The following SRD5A3 variants were observed in gnomAD, a reference collection of about 807,000 sequenced individuals.
The protein encoded by SRD5A3 is polyprenal reductase.
In SRD5A3, 24 loss-of-function variants were observed where a neutral mutation model predicts 34.3. The observed-to-expected ratio is 0.70, with a 90% CI of 0.51 to 0.99. The LOEUF is 0.99. SRD5A3 is among the 50% of genes least tolerant of loss of function. The probability of loss-of-function intolerance (pLI) is 0.00; values close to 1 mark genes in which losing one functional copy is unlikely to be tolerated. For missense variants in SRD5A3, 350 were observed against 388.2 expected (o/e 0.90, Z 0.83); for synonymous variants, 161 against 167.3 (o/e 0.96, Z 0.29).
chr4:55,367,500 A>G, intron 3 of SRD5A3, 88 bp from the exon 4 acceptor site: 5 of 1,477,168 alleles, frequency 3.4e-6, no homozygotes, highest in Non-Finnish European at 4.7e-6. Context: ...ATAAGTGGAT[A>G]ATTGTGTTTC....
intron 2 of SRD5A3, among the ~76,000 whole-genome samples, chr4:55,359,872 T>C (rs924206255): frequency 2.0e-5 from 3 of 152,262 alleles, no homozygotes; most frequent in African/African-American, 7.2e-5. Flanking sequence ...TCATTTATAC[T>C]GTTCCAACCA....
intron 1 of SRD5A3, chr4:55,351,716 T>A: frequency 2.5e-6 from 1 of 402,498 alleles, no homozygotes; most frequent in South Asian, 2.0e-5. Context: ...AGCAAATAGG[T>A]CAACAGAATA....
intron 1 of SRD5A3, among the ~76,000 whole-genome samples, chr4:55,357,617 C>G (rs771015241): frequency 2.6e-5 from 4 of 152,238 alleles, no homozygotes; most frequent in Non-Finnish European, 5.9e-5. Context: ...CAGGATGGCT[C>G]TCTTCAAATA....
chr4:55,368,688 A>C (rs1720002504), intron 4 of SRD5A3, among the ~76,000 whole-genome samples: 1 of 151,358 alleles, frequency 6.6e-6, no homozygotes, highest in African/African-American at 2.4e-5. Flanking sequence ...GGCCTCCCAA[A>C]GTGCTGGGAT....
At chr4:55,346,694 C>T (rs1388885546) in intron 1 of SRD5A3, 137 bp downstream of exon 1, 2 of 786,770 alleles carry the variant, frequency 2.5e-6, no homozygotes, top group East Asian at 6.9e-5. Flanking sequence ...GGGCGCAGCA[C>T]GGCGCTCCCT....
At position 55,373,089 on chromosome 4, in the gene SRD5A3, T is replaced by G. The variant is rs1366858750; in HGVS notation, c.*2998T>G. On this transcript the variant is annotated 3_prime_UTR_variant, in exon 5 of 5. Coordinates refer to ENST00000264228, the MANE Select transcript of SRD5A3 (RefSeq NM_024592.5). ...TGAGCTGATATATTAAAGAAGACCT[T>G]AAAACAGTAAATGAGCAAGTCGAAT... 1 of 152,154 alleles carries G rather than the reference T, an allele frequency of 6.6e-6. No homozygotes were observed. Among genetic ancestry groups the G allele is most frequent in the Non-Finnish European group, 1.5e-5 (1 of 68,030 alleles). The allele number at this position is 152,154 out of a possible 1,614,324, so 9.4% of individuals were successfully genotyped here. A position where few individuals can be genotyped will look rare whatever the true frequency, so the allele number is the denominator to read the frequency against.
In SRD5A3 at chr4:55,370,394, G is replaced by A; in HGVS notation, c.*303G>A. 2 of 357,578 alleles carry A rather than the reference G, an allele frequency of 5.6e-6. No homozygotes were observed. The highest frequency in any genetic ancestry group is 1.0e-5 in the Non-Finnish European group (2 of 191,774). 22.2% of individuals were successfully genotyped at this position (357,578 alleles called of 1,614,324 possible). A position where few individuals can be genotyped will look rare whatever the true frequency, so the allele number is the denominator to read the frequency against. On this transcript the variant is annotated 3_prime_UTR_variant, in exon 5 of 5. Transcript: ENST00000264228. ...GAGACTTCTCCAAGCTGCTTCACAA[G>A]CAAACTAACCGAAAAACCGAAAATA...
At chr4:55,369,702 G>C in intron 4 of SRD5A3, 130 bp from the exon 5 acceptor site, 1 of 1,116,716 alleles carries the variant, frequency 9.0e-7, no homozygotes, top group South Asian at 1.4e-5. Flanking sequence ...CTGCACTCCA[G>C]CCTGGACAAC....
At chr4:55,354,010 T>G (rs1719323619) in intron 1 of SRD5A3, among the ~76,000 whole-genome samples, 1 of 152,334 alleles carries the variant, frequency 6.6e-6, no homozygotes, top group South Asian at 2.1e-4. Context: ...GGGCCAGGGA[T>G]CTAGCCAGAA....
intron 4 of SRD5A3, 44 bp downstream of exon 4, chr4:55,367,766 A>C (rs1217657743): frequency 3.1e-6 from 5 of 1,612,534 alleles, no homozygotes; most frequent in Non-Finnish European, 4.2e-6. Context: ...TTTAACCCTC[A>C]GAAGTTAGTT....
chr4:55,367,664 A>G lies in SRD5A3; in HGVS notation c.639A>G (p.Ser213=), dbSNP rs1329977031. The G allele has an allele frequency of 5.6e-6, 9 of 1,614,180 alleles. No individual in the cohort carries two copies. Among genetic ancestry groups the G allele is most frequent in the Non-Finnish European group, 7.6e-6 (9 of 1,180,024 alleles). Residue 213 remains serine, a synonymous_variant, in exon 4 of 5, where the codon TCA becomes TCG. Transcript: ENST00000264228. ...HILGMMMFIW[S]SAHQYKCHVI... Reference sequence around the variant, plus strand: ...TTGGGATGATGATGTTCATCTGGTCATCTGCCCATCAGTATAAGTGCCATG... The same window carrying G: ...TTGGGATGATGATGTTCATCTGGTCGTCTGCCCATCAGTATAAGTGCCATG...
intron 1 of SRD5A3, among the ~76,000 whole-genome samples, chr4:55,347,899 A>T (rs1271171866): frequency 6.6e-6 from 1 of 152,182 alleles, no homozygotes; most frequent in African/African-American, 2.4e-5. Flanking sequence ...GGCTCTTTTT[A>T]AGCAAAAATT....
intron 2 of SRD5A3, among the ~76,000 whole-genome samples, chr4:55,360,691 T>TG (rs1347869001): frequency 6.7e-6 from 1 of 150,078 alleles, no homozygotes; most frequent in Admixed American, 6.6e-5. Flanking sequence ...ATGGAACGTT[T>TG]TTTTTTTTTT....
At chr4:55,364,442 C>G in intron 3 of SRD5A3, 171 bp downstream of exon 3, 2 of 740,296 alleles carry the variant, frequency 2.7e-6, no homozygotes, top group Non-Finnish European at 4.6e-6. Context: ...CGGGCGTGGT[C>G]GCTTACACCT....
At chr4:55,348,450 A>T (rs1412289937) in intron 1 of SRD5A3, among the ~76,000 whole-genome samples, 1 of 152,184 alleles carries the variant, frequency 6.6e-6, no homozygotes, top group African/African-American at 2.4e-5. Flanking sequence ...AGATAATTAG[A>T]GTTGGGTGGA....
At chr4:55,366,577 A>C (rs1323178357) in intron 3 of SRD5A3, 1 of 152,268 alleles carries the variant, frequency 6.6e-6, no homozygotes, top group East Asian at 1.9e-4. Flanking sequence ...AAGCTTTTAA[A>C]ATAAACTGAC....
chr4:55,348,746 C>T (rs1479871266), intron 1 of SRD5A3, among the ~76,000 whole-genome samples: 1 of 152,166 alleles, frequency 6.6e-6, no homozygotes, highest in Non-Finnish European at 1.5e-5. Flanking sequence ...CATGCAGACT[C>T]AAGCTTAGAA....
chr4:55,368,987 C>T (rs1720018684), intron 4 of SRD5A3, among the ~76,000 whole-genome samples: 1 of 152,190 alleles, frequency 6.6e-6, no homozygotes, highest in South Asian at 2.1e-4. Context: ...GATCCGCCCA[C>T]CTCAGTCTCC....
In SRD5A3 at chr4:55,362,765, G is replaced by C. The variant is rs1411185183; in HGVS notation, c.365-1309G>C. Among the ~76,000 whole-genome samples the C allele has an allele frequency of 3.3e-5, 5 of 151,630 alleles. No individual in the cohort carries two copies. The South Asian group carries it at 6.3e-4, about 19-fold the overall frequency. On this transcript the variant is annotated intron_variant, in intron 2 of 4. Transcript: ENST00000264228. ...TGGGTGCTGTTACATGGGTGGGATT[G>C]GTTGGCTTAATTTGTAAAAGTTAAT...
Sources: gnomAD v4.1 joint callset for allele counts (sites outside exome capture counted in the v4.1 genomes callset) on GRCh38, gnomAD v4.1.1 for gene constraint, MANE v1.5 for transcripts, NCBI Gene and HGNC (gene_info 2026-07-23, HGNC 2026-07-21) for gene names.